PSTPIP1: variants seen among roughly 807,000 people sequenced by gnomAD.
PSTPIP1 encodes proline-serine-threonine phosphatase-interacting protein 1.
A neutral mutation model predicts 69.6 loss-of-function variants in PSTPIP1; 66 were observed. The observed-to-expected ratio is 0.95, with a 90% CI of 0.78 to 1.16. The LOEUF (loss-of-function observed/expected upper bound fraction) is 1.16. Ranked by LOEUF, PSTPIP1 falls within the 50% of genes most tolerant of loss-of-function variation. The probability of loss-of-function intolerance (pLI) is 0.00; values close to 1 mark genes in which losing one functional copy is unlikely to be tolerated. For missense variants in PSTPIP1, 603 were observed against 557.4 expected, an observed-to-expected ratio of 1.08 and a Z score of -0.82; for synonymous variants, 266 against 222.7, an observed-to-expected ratio of 1.19 and a Z score of -1.73.
rs115573927 is a variant in PSTPIP1 at position 77,015,417 on chromosome 15, G to A, written c.37-2731G>A. Among the ~76,000 whole-genome samples the A allele has an allele frequency of 6.2e-3, 950 of 152,202 alleles. 11 individuals are homozygous for A. The highest frequency in any genetic ancestry group is 0.022 in the African/African-American group (904 of 41,530). On this transcript the variant is annotated intron_variant, in intron 1 of 14. Coordinates refer to ENST00000558012, the MANE Select transcript of PSTPIP1 (RefSeq NM_003978.5). The stretch of plus-strand genomic sequence containing the variant: ...TCTGTGTTGTGGTCAGGAAGATAAC[G>A]CTATGATACCCTTGGTGCAGTGTGT...
chr15:77,026,952 G>A lies in PSTPIP1; in HGVS notation c.355-900G>A, dbSNP rs145605526. 1.2e-3 allele frequency among the ~76,000 whole-genome samples: 189 copies of A among 152,356 alleles called. 3 individuals are homozygous for A. The East Asian group carries it at 0.034, about 27-fold the overall frequency. On this transcript the variant is annotated intron_variant, in intron 5 of 14. Coordinates refer to ENST00000558012, the MANE Select transcript of PSTPIP1 (RefSeq NM_003978.5). ...GTGGCCAGGGCCCCGCAGGCAGAGCGCTGTGTTGTAGTGTGTGCCATGTGT... is the reference window on the plus strand; with the variant it reads ...GTGGCCAGGGCCCCGCAGGCAGAGCACTGTGTTGTAGTGTGTGCCATGTGT...
At chr15:77,011,402 A>G (rs1160186371) in intron 1 of PSTPIP1, among the ~76,000 whole-genome samples, 2 of 152,116 alleles carry the variant, frequency 1.3e-5, no homozygotes, top group Non-Finnish European at 2.9e-5. Flanking sequence ...CATCTCTGGG[A>G]CTCGGCCAGC....
chr15:77,036,051 C>A (rs191280635), intron 14 of PSTPIP1, 116 bp downstream of exon 14: 3 of 1,340,148 alleles, frequency 2.2e-6, no homozygotes, highest in Non-Finnish European at 3.0e-6. Flanking sequence ...CATCTTCGAG[C>A]ATCCTCTCCT....
chr15:77,013,325 T>C (rs953183452), intron 1 of PSTPIP1, among the ~76,000 whole-genome samples: 1 of 152,136 alleles, frequency 6.6e-6, no homozygotes, highest in Admixed American at 6.5e-5. Context: ...AAGCCTCTGA[T>C]GGGGAAAAGA....
intron 1 of PSTPIP1, among the ~76,000 whole-genome samples, chr15:77,000,460 G>GAGATATATAT (rs1555673709): frequency 7.1e-6 from 1 of 141,694 alleles, no homozygotes; most frequent in African/African-American, 2.6e-5. Context: ...TTTAAAGAGA[G>GAGATATATAT]ATATATATAT....
At chr15:77,004,023 A>T (rs1193876130) in intron 1 of PSTPIP1, among the ~76,000 whole-genome samples, 1 of 152,252 alleles carries the variant, frequency 6.6e-6, no homozygotes, top group Non-Finnish European at 1.5e-5. Flanking sequence ...TTAGAGAATC[A>T]TTCCTTTGGT....
In PSTPIP1 at chr15:77,037,257, C is replaced by A; in HGVS notation, c.*81C>A. The A allele has an allele frequency of 6.6e-7, 1 of 1,508,334 alleles. No homozygotes were observed. Among genetic ancestry groups the A allele is most frequent in the Non-Finnish European group, 8.9e-7 (1 of 1,122,184 alleles). The allele number at this position is 1,508,334 out of a possible 1,614,324, so 93.4% of individuals were successfully genotyped here. ...CAGCACTGTCCCCACCTTGCTAGGG[C>A]CCAGAACCAAGCGTCCCCCAGCCCC... is the stretch of plus-strand genomic sequence containing the variant. On this transcript the variant is annotated 3_prime_UTR_variant, in exon 15 of 15. Transcript: ENST00000558012.
intron 1 of PSTPIP1, 80 bp downstream of exon 1, chr15:76,995,689 CG>C: frequency 1.2e-6 from 2 of 1,604,978 alleles, no homozygotes; most frequent in Non-Finnish European, 1.7e-6. Context: ...TGATGGGATG[CG>C]GCTCCGAGAG....
At position 77,018,779 on chromosome 15, in the gene PSTPIP1, T is replaced by C. The variant is rs112070036; in HGVS notation, c.212+248T>C. 8.4e-3 allele frequency among the ~76,000 whole-genome samples: 1,274 copies of C among 152,210 alleles called. 12 individuals carry two copies. The highest frequency in any genetic ancestry group is 0.029 in the African/African-American group (1,212 of 41,514). Reference sequence around the variant, plus strand: ...ACAGGAGGCCATCCATCCTCAGTCATTTGCAGCGCAGTCTGCACCAGCCTG... The same window carrying C: ...ACAGGAGGCCATCCATCCTCAGTCACTTGCAGCGCAGTCTGCACCAGCCTG... On this transcript the variant is annotated intron_variant, in intron 3 of 14. Coordinates refer to ENST00000558012, the MANE Select transcript of PSTPIP1 (RefSeq NM_003978.5).
chr15:77,021,958 G>C (rs1014540233), intron 3 of PSTPIP1, among the ~76,000 whole-genome samples: 9 of 152,208 alleles, frequency 5.9e-5, no homozygotes, highest in African/African-American at 2.2e-4. Flanking sequence ...CACAGGGCAG[G>C]GGTTTGGGAA....
intron 3 of PSTPIP1, among the ~76,000 whole-genome samples, chr15:77,021,073 G>C (rs1471544984): frequency 2.0e-5 from 3 of 152,206 alleles, no homozygotes; most frequent in Non-Finnish European, 2.9e-5. Flanking sequence ...GGGAAGGCTA[G>C]GAACAGGGTG....
intron 1 of PSTPIP1, among the ~76,000 whole-genome samples, chr15:77,008,740 C>G (rs557614898): frequency 6.6e-6 from 1 of 152,246 alleles, no homozygotes; most frequent in African/African-American, 2.4e-5. Flanking sequence ...TCTGTGTAGG[C>G]TGAGAGTAAA....
In PSTPIP1 at chr15:77,019,528, G is replaced by A. The variant is rs114889865; in HGVS notation, c.212+997G>A. On this transcript the variant is annotated intron_variant, in intron 3 of 14. Coordinates refer to ENST00000558012, the MANE Select transcript of PSTPIP1 (RefSeq NM_003978.5). ...AGAGATCACAGGAAGGCTTAGATGT[G>A]GCATGAGCCGTGTGTGAGGCCAGAA... Among the ~76,000 whole-genome samples, 253 of 152,328 alleles carry A rather than the reference G, an allele frequency of 1.7e-3. 2 individuals carry two copies. The highest frequency in any genetic ancestry group is 5.9e-3 in the African/African-American group (245 of 41,566).
At chr15:77,020,263 C>T (rs1020823414) in intron 3 of PSTPIP1, among the ~76,000 whole-genome samples, 5 of 152,112 alleles carry the variant, frequency 3.3e-5, no homozygotes, top group Non-Finnish European at 7.4e-5. Flanking sequence ...TATTCAAGGC[C>T]AGGTGGGGCA....
At chr15:77,011,890 T>C (rs565708262) in intron 1 of PSTPIP1, among the ~76,000 whole-genome samples, 1 of 152,262 alleles carries the variant, frequency 6.6e-6, no homozygotes, top group African/African-American at 2.4e-5. Flanking sequence ...TGCATTGTCC[T>C]GGAGTTGGCC....
rs1386762740 is a variant in PSTPIP1 at position 77,031,220 on chromosome 15, G to A, written c.683G>A (p.Arg228His). The change falls in exon 10 of 15, where the codon CGC becomes CAC. Residue 228 changes from arginine (R) to histidine (H), a missense_variant. By Grantham distance (29) the Arg-to-His change is conservative (BLOSUM62 0). Transcript: ENST00000558012. ...GAGTTTGACCGGCTGACCATTCTCC[G>A]CAACGCCCTGTGGGTGCACAGCAAC... ...LQEFDRLTILRNALWVHSNQL... is the reference protein window; with the variant it reads ...LQEFDRLTILHNALWVHSNQL... The A allele has an allele frequency of 1.4e-5, 23 of 1,612,912 alleles. No homozygotes were observed. Among genetic ancestry groups the A allele is most frequent in the Admixed American group, 3.3e-5 (2 of 59,994 alleles).
chr15:77,000,922 T>A lies in PSTPIP1; in HGVS notation c.36+5313T>A, dbSNP rs2075694720. On this transcript the variant is annotated intron_variant, in intron 1 of 14. Transcript: ENST00000558012. ...ACATAAAATGTACCATCTTAACCAT[T>A]TTTGTGGTGTATGGTTCAGTAGCGC... Among the ~76,000 whole-genome samples, 5 of 152,154 alleles carry A rather than the reference T, an allele frequency of 3.3e-5. No homozygotes were observed. In the South Asian group the frequency reaches 1.0e-3, roughly 31 times the overall value.
intron 3 of PSTPIP1, among the ~76,000 whole-genome samples, chr15:77,021,038 C>T (rs78843312): frequency 6.6e-6 from 1 of 152,314 alleles, no homozygotes; most frequent in African/African-American, 2.4e-5. Context: ...CTGCCCCTTG[C>T]AGAACGGGCA....
At chr15:77,036,132 GCT>G (rs2076566093) in intron 14 of PSTPIP1, among the ~76,000 whole-genome samples, 197 bp downstream of exon 14, 1 of 152,214 alleles carries the variant, frequency 6.6e-6, no homozygotes, top group Non-Finnish European at 1.5e-5. Flanking sequence ...TTGGATGTGA[GCT>G]CTGAGAACAG....
Sources: gnomAD v4.1 joint callset for allele counts (sites outside exome capture counted in the v4.1 genomes callset) on GRCh38, gnomAD v4.1.1 for gene constraint, MANE v1.5 for transcripts, NCBI Gene and HGNC (gene_info 2026-07-23, HGNC 2026-07-21) for gene names.